Variants in AKAP12 observed in about 807,000 individuals in gnomAD.
The protein encoded by AKAP12 is A-kinase anchoring protein 12.
In AKAP12, 32 loss-of-function variants were observed where a neutral mutation model predicts 79.9. The observed-to-expected ratio is 0.40, with a 90% CI of 0.30 to 0.54. The LOEUF (loss-of-function observed/expected upper bound fraction) is 0.54, where lower values mean the gene tolerates loss of function less well. Ranked by LOEUF, AKAP12 falls within the 20% of genes least tolerant of loss-of-function variation. The pLI, the probability that AKAP12 is intolerant of heterozygous loss-of-function variation, is 0.48. For missense variants in AKAP12, 2,074 were observed against 2,177.0 expected (o/e 0.95, Z 0.94); for synonymous variants, 808 against 857.0 (o/e 0.94, Z 1.00).
chr6:151,341,376 TTA>T lies in AKAP12; in HGVS notation c.320-7334_320-7333del, dbSNP rs1265320553. Among the ~76,000 whole-genome samples, 15 of 152,182 alleles carry T rather than the reference TTA, an allele frequency of 9.9e-5. No individual in the cohort carries two copies. The East Asian group carries it at 2.9e-3, about 29-fold the overall frequency. On this transcript the variant is annotated intron_variant, in intron 3 of 4. Transcript: ENST00000402676. ...GCCTCGAGGCCCTTTTTCTTTTAAA[TTA>T]AGTGTCAGGGAAGTTCAGCGGCGGC...
chr6:151,354,809 C>G (rs1778404000), intron 4 of AKAP12, among the ~76,000 whole-genome samples: 1 of 152,078 alleles, frequency 6.6e-6, no homozygotes, highest in African/African-American at 2.4e-5. Context: ...TCCTGAATAG[C>G]TGCTGGGACC....
chr6:151,276,086 A>G (rs1776286699), intron 2 of AKAP12, among the ~76,000 whole-genome samples: 1 of 152,194 alleles, frequency 6.6e-6, no homozygotes, highest in Non-Finnish European at 1.5e-5. Flanking sequence ...CATTGATCAG[A>G]TTGGAGTTTT....
At chr6:151,303,385 T>C (rs895268544) in intron 2 of AKAP12, among the ~76,000 whole-genome samples, 1 of 152,286 alleles carries the variant, frequency 6.6e-6, no homozygotes, top group Non-Finnish European at 1.5e-5. Flanking sequence ...ATAAATGGAC[T>C]CAGCATGGGC....
rs768203868 is a variant in AKAP12, at chr6:151,353,128, A to G, written c.4737A>G (p.Gln1579=). The G allele has an allele frequency of 3.1e-6, 5 of 1,614,100 alleles. No homozygotes were observed. The African/African-American group carries it at 4.0e-5, about 13-fold the overall frequency. The part of the protein sequence containing the change: ...TEMLTSELQT[Q]AHVIKADSQD... ...TGTTGACGTCTGAGTTACAGACACA[A>G]GCTCACGTGATAAAAGCTGACAGCC... The change falls in exon 4 of 5, where the codon CAA becomes CAG. Residue 1579 remains glutamine (Q), a synonymous_variant. Coordinates refer to ENST00000402676, the MANE Select transcript of AKAP12 (RefSeq NM_005100.4).
At chr6:151,302,034 A>G (rs934598314) in intron 2 of AKAP12, among the ~76,000 whole-genome samples, 27 of 144,694 alleles carry the variant, frequency 1.9e-4, no homozygotes, top group Non-Finnish European at 3.7e-4. Flanking sequence ...TTTTTTTTTA[A>G]GAGACGGAGT....
chr6:151,351,488 GAAGAGC>G lies in AKAP12; in HGVS notation c.3103_3108del (p.Gln1035_Glu1036del), dbSNP rs750356761. On this transcript the variant is annotated inframe_deletion, in exon 4 of 5. Coordinates refer to ENST00000402676, the MANE Select transcript of AKAP12 (RefSeq NM_005100.4). This position sits in a 1 kb window ranked among gnomAD's most constrained non-coding sequence, Gnocchi z 4.4. ...GGTGGAAGGTGGCGTACCTGACATAGAAGAGCAAGAGAGGCGGACTCAAGAGGTCCT... is the reference window on the plus strand; with the variant it reads ...GGTGGAAGGTGGCGTACCTGACATAGAAGAGAGGCGGACTCAAGAGGTCCT... 9 of 1,614,188 alleles carry G rather than the reference GAAGAGC, an allele frequency of 5.6e-6. No homozygotes were observed. The East Asian group carries it at 2.0e-4, about 36-fold the overall frequency.
Position 151,283,843 on chromosome 6 carries a change from C to T in AKAP12, c.163-21904C>T, listed in dbSNP as rs1776451321. Among the ~76,000 whole-genome samples the T allele has an allele frequency of 2.6e-5, 4 of 152,204 alleles. No homozygotes were observed. The South Asian group carries it at 8.3e-4, about 32-fold the overall frequency. On this transcript the variant is annotated intron_variant, in intron 2 of 4. Coordinates refer to ENST00000402676, the MANE Select transcript of AKAP12 (RefSeq NM_005100.4). ...AGTCATTCTTTTTCCGTTGGCAAGT[C>T]CCGCAGGCCTCATCTCCAAAGACAT...
chr6:151,259,498 A>ATGTG (rs1470589517), intron 2 of AKAP12, among the ~76,000 whole-genome samples: 100 of 81,342 alleles, frequency 1.2e-3, no homozygotes, highest in Non-Finnish European at 2.0e-3. Context: ...ACACATATAC[A>ATGTG]TGTATATATA....
At chr6:151,249,067 GC>G (rs1398673794) in intron 2 of AKAP12, among the ~76,000 whole-genome samples, 4 of 152,052 alleles carry the variant, frequency 2.6e-5, no homozygotes, top group African/African-American at 9.7e-5. Context: ...TCAGTGAAAT[GC>G]CCGTATCCCT....
At position 151,287,309 on chromosome 6, in the gene AKAP12, G is replaced by A. The variant is rs572817247; in HGVS notation, c.163-18438G>A. ...GGGTGTTGCTCTGTTGCCCAGGCTG[G>A]AGTACAGTGGCACAATCATGGCTCA... is the stretch of plus-strand genomic sequence containing the variant. On this transcript the variant is annotated intron_variant, in intron 2 of 4. Coordinates refer to ENST00000402676, the MANE Select transcript of AKAP12 (RefSeq NM_005100.4). 2.5e-4 allele frequency among the ~76,000 whole-genome samples: 38 copies of A among 152,048 alleles called. No homozygotes were observed. The East Asian group carries it at 7.0e-3, about 28-fold the overall frequency.
chr6:151,323,034 T>C lies in AKAP12; in HGVS notation c.319+17131T>C, dbSNP rs373020713. ...AATGATAAAAGAAAGTCTCCTGCAT[T>C]GGACAGTGACCTTAGGTCTCATCTT... On this transcript the variant is annotated intron_variant, in intron 3 of 4. Coordinates refer to ENST00000402676, the MANE Select transcript of AKAP12 (RefSeq NM_005100.4). Among the ~76,000 whole-genome samples, 6 of 152,320 alleles carry C rather than the reference T, an allele frequency of 3.9e-5. No individual in the cohort carries two copies. The East Asian group carries it at 9.7e-4, about 25-fold the overall frequency.
chr6:151,304,709 T>C (rs1443576133), intron 2 of AKAP12, among the ~76,000 whole-genome samples: 1 of 151,640 alleles, frequency 6.6e-6, no homozygotes, highest in African/African-American at 2.4e-5. Context: ...CCCAGGTAGC[T>C]GGGACTACAG....
chr6:151,269,671 C>G (rs1455216330), intron 2 of AKAP12, among the ~76,000 whole-genome samples: 1 of 152,164 alleles, frequency 6.6e-6, no homozygotes, highest in African/African-American at 2.4e-5. Context: ...AGATATTTTC[C>G]TAGTCTCAAT....
chr6:151,261,724 TTTTTATTA>T (rs1399066053), intron 2 of AKAP12, among the ~76,000 whole-genome samples: 1 of 143,074 alleles, frequency 7.0e-6, no homozygotes, highest in African/African-American at 2.6e-5. Flanking sequence ...ACAACAGTGG[TTTTTATTA>T]TTTTATTTAT....
At position 151,349,802 on chromosome 6, in the gene AKAP12, G is replaced by A; in HGVS notation, c.1411G>A (p.Val471Ile). Residue 471 changes from valine to isoleucine, a missense_variant, in exon 4 of 5, where the codon GTT (valine) becomes ATT (isoleucine). By Grantham distance (29) the Val-to-Ile change is conservative (BLOSUM62 3). Around this residue, in one of 3 missense-constraint regions of AKAP12, gnomAD observed 1,428 missense variants for 1,451.0 expected, o/e 0.98. Transcript: ENST00000402676. ...KELVKLKETCVSGEDPTQGAD... is the reference protein window; with the variant it reads ...KELVKLKETCISGEDPTQGAD... ...GCTGGTGAAGCTCAAAGAAACGTGTGTTTCCGGAGAGGACCCTACACAGGG... is the reference window on the plus strand; with the variant it reads ...GCTGGTGAAGCTCAAAGAAACGTGTATTTCCGGAGAGGACCCTACACAGGG... 6.2e-7 allele frequency: 1 copy of A among 1,614,124 alleles called. No individual in the cohort carries two copies. The highest frequency in any genetic ancestry group is 8.5e-7 in the Non-Finnish European group (1 of 1,180,040).
intron 2 of AKAP12, among the ~76,000 whole-genome samples, chr6:151,267,105 C>T (rs905888529): frequency 2.8e-5 from 4 of 141,188 alleles, no homozygotes; most frequent in Admixed American, 1.4e-4. Flanking sequence ...CTTTTCAAAA[C>T]TTTCATTTCT....
chr6:151,254,810 G>A (rs1199183667), intron 2 of AKAP12, among the ~76,000 whole-genome samples: 1 of 152,166 alleles, frequency 6.6e-6, no homozygotes, highest in Non-Finnish European at 1.5e-5. Flanking sequence ...ATCTTGAATC[G>A]CAACAATGAC....
intron 3 of AKAP12, among the ~76,000 whole-genome samples, chr6:151,327,639 G>A (rs1429976002): frequency 2.0e-5 from 3 of 152,200 alleles, no homozygotes; most frequent in Non-Finnish European, 2.9e-5. Flanking sequence ...GTAATTAAAG[G>A]TTAATAAACT....
At position 151,283,508 on chromosome 6, in the gene AKAP12, A is replaced by G. The variant is rs575930608; in HGVS notation, c.163-22239A>G. 2.2e-4 allele frequency among the ~76,000 whole-genome samples: 34 copies of G among 152,338 alleles called. No homozygotes were observed. In the South Asian group the frequency reaches 5.8e-3, roughly 26 times the overall value. ...CAAAAGCAGTGATTTGTTTTCTGTA[A>G]TACTAATGGCTGACACTGACTAGTG... On this transcript the variant is annotated intron_variant, in intron 2 of 4. Transcript: ENST00000402676.
Sources: gnomAD v4.1 joint callset for allele counts (sites outside exome capture counted in the v4.1 genomes callset) on GRCh38, gnomAD v4.1.1 for gene constraint, gnomAD v4.1.1 regional missense constraint, Gnocchi (gnomAD v3.1) non-coding constraint, MANE v1.5 for transcripts, NCBI Gene and HGNC (gene_info 2026-07-23, HGNC 2026-07-21) for gene names.